Variants in NBAS observed in about 807,000 individuals in gnomAD.
NBAS encodes the protein NBAS subunit of NRZ tethering complex.
A neutral mutation model predicts 302.5 loss-of-function variants in NBAS; 219 were observed. The observed-to-expected ratio is 0.72, with a 90% CI of 0.65 to 0.81. The LOEUF (loss-of-function observed/expected upper bound fraction) is 0.81, where lower values mean the gene tolerates loss of function less well. Among genes scored for constraint, NBAS ranks in the 30% least tolerant of loss-of-function variants. NBAS has a pLI of 0.00. For synonymous variants in NBAS, 1,118 were observed against 1,021.6 expected (o/e 1.09, Z -1.80); for missense variants, 2,932 against 2,841.6 (o/e 1.03, Z -0.72).
the NBAS span, among the ~76,000 whole-genome samples, chr2:15,043,295 T>C: frequency 6.6e-6 from 1 of 152,152 alleles, no homozygotes; most frequent in Non-Finnish European, 1.5e-5. Flanking sequence ...CCTGCACGTT[T>C]AGCTTGGCTC....
intron 51 of NBAS, among the ~76,000 whole-genome samples, chr2:15,170,510 T>C (rs991115702): frequency 6.6e-6 from 1 of 152,190 alleles, no homozygotes; most frequent in South Asian, 2.1e-4. Context: ...CTGACCTGCA[T>C]TGAGCTTGGG....
chr2:15,190,178 A>G, intron 49 of NBAS, 86 bp downstream of exon 49: 2 of 1,470,552 alleles, frequency 1.4e-6, no homozygotes, highest in Non-Finnish European at 9.5e-7. Flanking sequence ...TTATTCTTTC[A>G]TTGGCTCTTT....
intron 13 of NBAS, 108 bp from the exon 14 acceptor site, chr2:15,475,988 G>C: frequency 2.4e-6 from 2 of 824,784 alleles, no homozygotes; most frequent in Non-Finnish European, 3.7e-6. Flanking sequence ...TACATTATTT[G>C]GGCCCTAATG....
At chr2:15,055,770 T>C in the NBAS span, among the ~76,000 whole-genome samples, 1 of 152,176 alleles carries the variant, frequency 6.6e-6, no homozygotes, top group Non-Finnish European at 1.5e-5. Context: ...TTCTCCCTTT[T>C]AGAGAGTCAC....
At chr2:15,174,723 G>T (rs1216767539) in intron 51 of NBAS, among the ~76,000 whole-genome samples, 1 of 152,146 alleles carries the variant, frequency 6.6e-6, no homozygotes, top group Non-Finnish European at 1.5e-5. Context: ...GCATGGTGGG[G>T]TATAGACTTT....
At chr2:15,520,524 A>T (rs1300561518) in intron 9 of NBAS, among the ~76,000 whole-genome samples, 5 of 152,148 alleles carry the variant, frequency 3.3e-5, no homozygotes, top group Non-Finnish European at 5.9e-5. Context: ...GGGCCAGAAA[A>T]CATTCTGTGT....
the NBAS span, among the ~76,000 whole-genome samples, chr2:15,122,653 G>T: frequency 3.3e-5 from 5 of 152,140 alleles, no homozygotes; most frequent in Admixed American, 2.0e-4. Context: ...AGAGGACAAA[G>T]AAAGAAAGAC....
At chr2:14,983,289 T>C in the NBAS span, among the ~76,000 whole-genome samples, 8 of 152,230 alleles carry the variant, frequency 5.3e-5, no homozygotes, top group Non-Finnish European at 8.8e-5. Context: ...TTAATCCAGG[T>C]GCAAGAACTA....
chr2:14,895,214 T>G, the NBAS span, among the ~76,000 whole-genome samples: 1 of 152,174 alleles, frequency 6.6e-6, no homozygotes, highest in Non-Finnish European at 1.5e-5. Context: ...GACAGATAAC[T>G]GTTGTGTTGT....
chr2:15,016,768 A>C, the NBAS span, among the ~76,000 whole-genome samples: 1 of 152,300 alleles, frequency 6.6e-6, no homozygotes, highest in East Asian at 1.9e-4. Context: ...ACTGGCATAA[A>C]AATCGACTCA....
intron 21 of NBAS, among the ~76,000 whole-genome samples, chr2:15,430,855 G>A (rs1017724585): frequency 2.0e-5 from 3 of 151,848 alleles, no homozygotes; most frequent in African/African-American, 7.3e-5. Flanking sequence ...CGCCCAGTCT[G>A]GAGTGCAGTG....
chr2:15,276,920 A>G lies in NBAS; in HGVS notation c.5320T>C (p.Leu1774=), dbSNP rs767228473. The change falls in exon 43 of 52, where the codon TTG becomes CTG. Residue 1774 remains leucine (L), a synonymous_variant. Coordinates refer to ENST00000281513, the MANE Select transcript of NBAS (RefSeq NM_015909.4). ...TLLENCGCAD[L]GNCAIKPETH... ...TCTGGTTTAATGGCACAGTTCCCCA[A>G]ATCTGCACAGCCACAGTTTTCCAGA... 14 of 1,614,054 alleles carry G rather than the reference A, an allele frequency of 8.7e-6. No homozygotes were observed. Among genetic ancestry groups the G allele is most frequent in the Admixed American group, 8.3e-5 (5 of 60,000 alleles).
chr2:15,119,967 G>T, the NBAS span, among the ~76,000 whole-genome samples: 6 of 152,322 alleles, frequency 3.9e-5, no homozygotes, highest in South Asian at 2.1e-4. Flanking sequence ...GGGAGTCTGT[G>T]TCTCCCAAGC....
intron 29 of NBAS, among the ~76,000 whole-genome samples, chr2:15,381,735 G>A (rs1157485306): frequency 5.9e-5 from 9 of 152,156 alleles, no homozygotes; most frequent in Non-Finnish European, 4.4e-5. Flanking sequence ...GATGCAAAAG[G>A]GGAAGACAAT....
At chr2:15,292,895 G>T in intron 40 of NBAS, 129 bp from the exon 41 acceptor site, 1 of 901,930 alleles carries the variant, frequency 1.1e-6, no homozygotes, top group Non-Finnish European at 1.7e-6. Context: ...ATTTCATAAG[G>T]CTCACAACGG....
the NBAS span, among the ~76,000 whole-genome samples, chr2:14,925,866 A>T: frequency 6.6e-6 from 1 of 152,220 alleles, no homozygotes; most frequent in Non-Finnish European, 1.5e-5. Flanking sequence ...GTGTGGAATT[A>T]CATTTATTTA....
intron 48 of NBAS, among the ~76,000 whole-genome samples, chr2:15,192,567 A>C (rs926332906): frequency 8.5e-5 from 13 of 152,160 alleles, no homozygotes; most frequent in African/African-American, 3.1e-4. Flanking sequence ...CAACTACACA[A>C]ATGATACTTT....
chr2:15,350,088 C>A (rs767695682), intron 35 of NBAS, among the ~76,000 whole-genome samples: 1 of 151,968 alleles, frequency 6.6e-6, no homozygotes, highest in Non-Finnish European at 1.5e-5. Flanking sequence ...TCCATGTTCA[C>A]CAAATTAAAT....
intron 6 of NBAS, among the ~76,000 whole-genome samples, chr2:15,539,839 G>A (rs1229029827): frequency 6.6e-6 from 1 of 150,402 alleles, no homozygotes; most frequent in Non-Finnish European, 1.5e-5. Context: ...TTAGAAAGGG[G>A]GGAAATATAT....
Sources: allele counts gnomAD v4.1 joint callset (sites outside exome capture counted in the v4.1 genomes callset), GRCh38; gene constraint gnomAD v4.1.1; transcripts MANE v1.5; gene names NCBI Gene and HGNC (gene_info 2026-07-23, HGNC 2026-07-21).